Variants in IL2RA observed in about 807,000 individuals in gnomAD.
The protein encoded by IL2RA is interleukin 2 receptor subunit alpha, also known as interleukin-2 receptor subunit alpha.
Under a neutral mutation model 37.8 loss-of-function variants are expected in IL2RA, and 24 were observed. The ratio of observed to expected loss-of-function variants is 0.63; its 90% confidence interval spans 0.46 to 0.89. IL2RA has a LOEUF of 0.89. Ranked by LOEUF, IL2RA falls within the 40% of genes least tolerant of loss-of-function variation. The pLI, the probability that IL2RA is intolerant of heterozygous loss-of-function variation, is 0.00. For missense variants in IL2RA, 319 were observed against 348.6 expected (o/e 0.92, Z 0.68); for synonymous variants, 125 against 114.6 (o/e 1.09, Z -0.58).
chr10:6,046,605 C>T lies in IL2RA; in HGVS notation c.64+15483G>A, dbSNP rs1476640187. Among the ~76,000 whole-genome samples the T allele has an allele frequency of 6.6e-6, 1 of 152,158 alleles. No individual in the cohort carries two copies. The highest frequency in any genetic ancestry group is 1.5e-5 in the Non-Finnish European group (1 of 68,024). On this transcript the variant is annotated intron_variant, in intron 1 of 7. Transcript: ENST00000379959. This position sits in a 1 kb window ranked among gnomAD's most constrained non-coding sequence, Gnocchi z 4.8. ...TTTTGCTGAGTTTAGTCTTTGTATT[C>T]ATCTGTGAGTGGGTCAAAATGCCTG...
At chr10:6,049,618 T>G (rs2132892587) in intron 1 of IL2RA, among the ~76,000 whole-genome samples, 1 of 152,348 alleles carries the variant, frequency 6.6e-6, no homozygotes, top group African/African-American at 2.4e-5. Context: ...CCTCCGGGAC[T>G]CTTCTGTCTG....
In IL2RA at chr10:6,046,104, C is replaced by G. The variant is rs1160866360; in HGVS notation, c.64+15984G>C. Among the ~76,000 whole-genome samples the G allele has an allele frequency of 1.3e-5, 2 of 152,190 alleles. No homozygotes were observed. Among genetic ancestry groups the G allele is most frequent in the East Asian group, 3.8e-4 (2 of 5,200 alleles). On this transcript the variant is annotated intron_variant, in intron 1 of 7. Transcript: ENST00000379959. The surrounding 1 kb of genome is among the most constrained non-coding windows in gnomAD (Gnocchi z 4.8). ...AGGCTCACTCTGCCCTGCTCCTCAC[C>G]CATCTCGCAGGGGAACCTCTTGTAC...
chr10:6,032,357 GA>G (rs1405594183), intron 1 of IL2RA, among the ~76,000 whole-genome samples: 11 of 152,102 alleles, frequency 7.2e-5, no homozygotes, highest in Non-Finnish European at 1.2e-4. Flanking sequence ...GACTATAAAA[GA>G]AAAAAATTGA....
In IL2RA at chr10:6,021,389, C is replaced by G; in HGVS notation, c.583+89G>C. On this transcript the variant is annotated intron_variant, in intron 4 of 7. Coordinates refer to ENST00000379959, the MANE Select transcript of IL2RA (RefSeq NM_000417.3). This position sits in a 1 kb window ranked among gnomAD's most constrained non-coding sequence, Gnocchi z 4.9. ...TCAAGGGTCTTGTCCAAGGACCACTCTTGTCCAGCAGGAGTGGTCAGGGAT... is the reference window on the plus strand; with the variant it reads ...TCAAGGGTCTTGTCCAAGGACCACTGTTGTCCAGCAGGAGTGGTCAGGGAT... 2 of 1,106,454 alleles carry G rather than the reference C, an allele frequency of 1.8e-6. No homozygotes were observed. 68.5% of individuals were successfully genotyped at this position (1,106,454 alleles called of 1,614,324 possible). A position where few individuals can be genotyped will look rare whatever the true frequency, so the allele number is the denominator to read the frequency against.
chr10:6,033,653 C>T lies in IL2RA; in HGVS notation c.65-7628G>A, dbSNP rs1054658120. Among the ~76,000 whole-genome samples the T allele has an allele frequency of 6.6e-6, 1 of 152,102 alleles. No homozygotes were observed. The highest frequency in any genetic ancestry group is 1.5e-5 in the Non-Finnish European group (1 of 68,010). On this transcript the variant is annotated intron_variant, in intron 1 of 7. Transcript: ENST00000379959. The surrounding 1 kb of genome is among the most constrained non-coding windows in gnomAD (Gnocchi z 4.3). ...TGATACAGGCAATATTGATAAATCT[C>T]AAAAATGTTATGTTGAACAAAATAA... is the stretch of plus-strand genomic sequence containing the variant.
chr10:6,051,845 A>ATATATAT (rs1224861012), intron 1 of IL2RA, among the ~76,000 whole-genome samples: 16 of 111,810 alleles, frequency 1.4e-4, no homozygotes, highest in African/African-American at 1.6e-4. Context: ...ATATATATAG[A>ATATATAT]ATTTTTTAAG....
chr10:6,012,713 CCCGTGT>C lies in IL2RA; in HGVS notation c.*153_*158del. 1.3e-6 allele frequency: 1 copy of C among 754,400 alleles called. No individual in the cohort carries two copies. Among genetic ancestry groups the C allele is most frequent in the South Asian group, 1.5e-5 (1 of 67,216 alleles). The allele number at this position is 754,400 out of a possible 1,614,324, so 46.7% of individuals were successfully genotyped here. ...GGCATAGAGACAAGGTTGCCACTGC[CCCGTGT>C]CCTGTGATGTGACTTCAGAGCTTCC... On this transcript the variant is annotated 3_prime_UTR_variant, in exon 8 of 8. Transcript: ENST00000379959. The surrounding 1 kb of genome is among the most constrained non-coding windows in gnomAD (Gnocchi z 4.8).
rs1408001059 is a variant in IL2RA at position 6,015,611 on chromosome 10, T to C, written c.794+2442A>G. 4.6e-5 allele frequency among the ~76,000 whole-genome samples: 7 copies of C among 152,184 alleles called. No homozygotes were observed. Among genetic ancestry groups the C allele is most frequent in the African/African-American group, 1.7e-4 (7 of 41,434 alleles). The stretch of plus-strand genomic sequence containing the variant: ...ATGTTTTTAAGTTGACACATAATAG[T>C]TATATATATTTATGAGGTATGTAGG... On this transcript the variant is annotated intron_variant, in intron 7 of 7. Transcript: ENST00000379959. This position sits in a 1 kb window ranked among gnomAD's most constrained non-coding sequence, Gnocchi z 4.9.
At chr10:6,051,550 C>A (rs113572510) in intron 1 of IL2RA, among the ~76,000 whole-genome samples, 12,082 of 135,840 alleles carry the variant, frequency 0.089, 941 homozygotes, top group African/African-American at 0.18. Context: ...GACGGAGTTT[C>A]CCTCTGTCAC....
Position 6,058,506 on chromosome 10 carries a change from A to G in IL2RA, c.64+3582T>C, listed in dbSNP as rs753617859. Among the ~76,000 whole-genome samples, 8 of 152,228 alleles carry G rather than the reference A, an allele frequency of 5.3e-5. No homozygotes were observed. Among genetic ancestry groups the G allele is most frequent in the Non-Finnish European group, 1.2e-4 (8 of 68,032 alleles). ...TCTTGAAGATGAATGAAGTAACAGT[A>G]GCAATAATACTTTGGGATCTCAAGA... On this transcript the variant is annotated intron_variant, in intron 1 of 7. Coordinates refer to ENST00000379959, the MANE Select transcript of IL2RA (RefSeq NM_000417.3). The surrounding 1 kb of genome is among the most constrained non-coding windows in gnomAD (Gnocchi z 4.2).
In IL2RA at chr10:6,062,268, G is replaced by C; in HGVS notation, c.-117C>G. The C allele has an allele frequency of 1.2e-6, 1 of 826,746 alleles. No individual in the cohort carries two copies. Among genetic ancestry groups the C allele is most frequent in the East Asian group, 2.6e-5 (1 of 38,330 alleles). The allele number at this position is 826,746 out of a possible 1,614,324, so 51.2% of individuals were successfully genotyped here. A position where few individuals can be genotyped will look rare whatever the true frequency, so the allele number is the denominator to read the frequency against. ...CCGGAGGATGTGGGATGGGAAGATCGGTCCGCCTGGGCTGTCACCCTTGTG... is the reference window on the plus strand; with the variant it reads ...CCGGAGGATGTGGGATGGGAAGATCCGTCCGCCTGGGCTGTCACCCTTGTG... On this transcript the variant is annotated 5_prime_UTR_variant, in exon 1 of 8. Transcript: ENST00000379959.
rs758789828 is a variant in IL2RA at position 6,049,655 on chromosome 10, C to T, written c.64+12433G>A. On this transcript the variant is annotated intron_variant, in intron 1 of 7. Coordinates refer to ENST00000379959, the MANE Select transcript of IL2RA (RefSeq NM_000417.3). ...GCTTTGTGGCATTTCTCTGCAGTCC[C>T]AGACTTTGCTCCCTTTTCTTTACAC... is the stretch of plus-strand genomic sequence containing the variant. 3.6e-4 allele frequency among the ~76,000 whole-genome samples: 55 copies of T among 152,214 alleles called. 1 individual carries two copies. The highest frequency in any genetic ancestry group is 1.0e-4 in the Non-Finnish European group (7 of 68,046).
At chr10:6,060,146 C>A (rs188200337) in intron 1 of IL2RA, among the ~76,000 whole-genome samples, 52 of 152,300 alleles carry the variant, frequency 3.4e-4, no homozygotes. Flanking sequence ...TTTTCCTGTT[C>A]TTGGCTTAGA....
At position 6,046,098 on chromosome 10, in the gene IL2RA, C is replaced by T. The variant is rs1359347367; in HGVS notation, c.64+15990G>A. ...GCAGCCAGGCTCACTCTGCCCTGCT[C>T]CTCACCCATCTCGCAGGGGAACCTC... is the stretch of plus-strand genomic sequence containing the variant. On this transcript the variant is annotated intron_variant, in intron 1 of 7. Coordinates refer to ENST00000379959, the MANE Select transcript of IL2RA (RefSeq NM_000417.3). This position sits in a 1 kb window ranked among gnomAD's most constrained non-coding sequence, Gnocchi z 4.8. Among the ~76,000 whole-genome samples the T allele has an allele frequency of 6.6e-6, 1 of 152,212 alleles. No homozygotes were observed. The highest frequency in any genetic ancestry group is 1.9e-4 in the East Asian group (1 of 5,204).
rs1037273996 is a variant in IL2RA at position 6,062,273 on chromosome 10, G to T, written c.-122C>A. 14 of 800,666 alleles carry T rather than the reference G, an allele frequency of 1.7e-5. No homozygotes were observed. The highest frequency in any genetic ancestry group is 1.0e-4 in the South Asian group (7 of 67,684). 49.6% of individuals were successfully genotyped at this position (800,666 alleles called of 1,614,324 possible). On this transcript the variant is annotated 5_prime_UTR_variant, in exon 1 of 8. Coordinates refer to ENST00000379959, the MANE Select transcript of IL2RA (RefSeq NM_000417.3). ...GGATGTGGGATGGGAAGATCGGTCC[G>T]CCTGGGCTGTCACCCTTGTGGGTCC...
Position 6,054,629 on chromosome 10 carries a change from T to C in IL2RA, c.64+7459A>G, listed in dbSNP as rs1020251128. 6.6e-6 allele frequency among the ~76,000 whole-genome samples: 1 copy of C among 152,134 alleles called. No individual in the cohort carries two copies. The highest frequency in any genetic ancestry group is 1.5e-5 in the Non-Finnish European group (1 of 68,028). ...CTCTAATTGGTCAGCTCACTACTCA[T>C]GGAACACGGTCCATGTACACGACTC... On this transcript the variant is annotated intron_variant, in intron 1 of 7. Coordinates refer to ENST00000379959, the MANE Select transcript of IL2RA (RefSeq NM_000417.3). This position sits in a 1 kb window ranked among gnomAD's most constrained non-coding sequence, Gnocchi z 4.5.
At chr10:6,031,470 ATATATATATATATATATATATATG>A (rs1554830113) in intron 1 of IL2RA, among the ~76,000 whole-genome samples, 3,441 of 23,832 alleles carry the variant, frequency 0.14, 60 homozygotes, top group South Asian at 0.19. Context: ...ATATATATAT[ATATATATATATATATATATATATG>A]TATATATATA....
At position 6,029,981 on chromosome 10, in the gene IL2RA, A is replaced by T. The variant is rs1477189057; in HGVS notation, c.65-3956T>A. ...TGGCCTCCCAAAGTGCTGGGATTAC[A>T]GGTGTGAGCCACCGTGCCCAGCCAA... is the stretch of plus-strand genomic sequence containing the variant. On this transcript the variant is annotated intron_variant, in intron 1 of 7. Coordinates refer to ENST00000379959, the MANE Select transcript of IL2RA (RefSeq NM_000417.3). This position sits in a 1 kb window ranked among gnomAD's most constrained non-coding sequence, Gnocchi z 4.6. Among the ~76,000 whole-genome samples, 1 of 152,258 alleles carries T rather than the reference A, an allele frequency of 6.6e-6. No individual in the cohort carries two copies.
rs951440642 is a variant in IL2RA at position 6,015,705 on chromosome 10, T to C, written c.794+2348A>G. Among the ~76,000 whole-genome samples the C allele has an allele frequency of 1.3e-5, 2 of 152,176 alleles. No homozygotes were observed. The highest frequency in any genetic ancestry group is 6.5e-5 in the Admixed American group (1 of 15,270). On this transcript the variant is annotated intron_variant, in intron 7 of 7. Transcript: ENST00000379959. The surrounding 1 kb of genome is among the most constrained non-coding windows in gnomAD (Gnocchi z 4.9). Reference sequence around the variant, plus strand: ...TTAGCATATCCATCATCTCAAACATTTATCGTTTCTTTATGTTCCTACAGA... The same window carrying C: ...TTAGCATATCCATCATCTCAAACATCTATCGTTTCTTTATGTTCCTACAGA...
Sources: allele counts gnomAD v4.1 joint callset (sites outside exome capture counted in the v4.1 genomes callset), GRCh38; gene constraint gnomAD v4.1.1; non-coding constraint Gnocchi (gnomAD v3.1); transcripts MANE v1.5; gene names NCBI Gene and HGNC (gene_info 2026-07-23, HGNC 2026-07-21).